TMEM132D: variants seen among roughly 807,000 people sequenced by gnomAD.
TMEM132D encodes the protein transmembrane protein 132D, also known as mature OL transmembrane protein.
TMEM132D carries 21 observed loss-of-function variants against 62.3 expected under a neutral mutation model. The observed-to-expected ratio is 0.34, with a 90% CI of 0.24 to 0.49. The LOEUF is 0.49. Among genes scored for constraint, TMEM132D ranks in the 20% least tolerant of loss-of-function variants. TMEM132D has a pLI of 0.99. For synonymous variants in TMEM132D, 621 were observed against 575.6 expected (o/e 1.08, Z -1.13); for missense variants, 1,346 against 1,402.8 (o/e 0.96, Z 0.65).
chr12:129,162,075 C>T (rs1285516720), intron 5 of TMEM132D, among the ~76,000 whole-genome samples: 1 of 152,070 alleles, frequency 6.6e-6, no homozygotes, highest in Non-Finnish European at 1.5e-5. Flanking sequence ...GAACTGTGTC[C>T]CCCCTCAATT....
chr12:129,321,285 G>T (rs181287268), intron 4 of TMEM132D, among the ~76,000 whole-genome samples: 1 of 152,244 alleles, frequency 6.6e-6, no homozygotes, highest in African/African-American at 2.4e-5. Flanking sequence ...AAAAAGTCAA[G>T]AATTCTATTA....
At chr12:129,767,682 T>C (rs1419583931) in intron 1 of TMEM132D, among the ~76,000 whole-genome samples, 1 of 152,240 alleles carries the variant, frequency 6.6e-6, no homozygotes, top group Non-Finnish European at 1.5e-5. Context: ...TTTTTGTTTT[T>C]AAGGCTAAAT....
chr12:129,610,803 A>G (rs1049011326), intron 2 of TMEM132D, among the ~76,000 whole-genome samples: 1 of 152,202 alleles, frequency 6.6e-6, no homozygotes, highest in Non-Finnish European at 1.5e-5. Context: ...ACTTGTTCCT[A>G]GGACATATTA....
At chr12:129,103,914 A>C (rs2135638204) in intron 5 of TMEM132D, among the ~76,000 whole-genome samples, 1 of 152,348 alleles carries the variant, frequency 6.6e-6, no homozygotes, top group Admixed American at 6.5e-5. Context: ...ATGGAAGAAC[A>C]TTCCATGCTC....
chr12:129,577,647 A>G (rs1235708421), intron 2 of TMEM132D, among the ~76,000 whole-genome samples: 2 of 151,954 alleles, frequency 1.3e-5, no homozygotes, highest in African/African-American at 4.8e-5. Context: ...TGACATACCT[A>G]ACGTTCAGTT....
intron 5 of TMEM132D, among the ~76,000 whole-genome samples, chr12:129,121,386 T>G (rs1300045337): frequency 2.6e-5 from 4 of 152,150 alleles, no homozygotes. Flanking sequence ...CATGAGCCAC[T>G]GCACCTGGCC....
intron 1 of TMEM132D, among the ~76,000 whole-genome samples, chr12:129,851,893 A>G (rs1873555663): frequency 6.6e-6 from 1 of 152,254 alleles, no homozygotes; most frequent in Non-Finnish European, 1.5e-5. Flanking sequence ...GCCCACCATA[A>G]TTGGAATTTT....
chr12:129,776,888 T>TA (rs1870951331), intron 1 of TMEM132D, among the ~76,000 whole-genome samples: 1 of 145,300 alleles, frequency 6.9e-6, no homozygotes, highest in Non-Finnish European at 1.5e-5. Context: ...TTAGCTGTTT[T>TA]TAATCGATAT....
At chr12:129,871,203 A>G (rs560524311) in intron 1 of TMEM132D, among the ~76,000 whole-genome samples, 51 of 152,174 alleles carry the variant, frequency 3.4e-4, no homozygotes, top group Non-Finnish European at 5.9e-4. Context: ...AGGTGCGCCC[A>G]TGCTCCTTTT....
chr12:129,081,520 A>G (rs1874444137), intron 7 of TMEM132D, among the ~76,000 whole-genome samples: 1 of 152,094 alleles, frequency 6.6e-6, no homozygotes, highest in Admixed American at 6.5e-5. Context: ...GGCTAATCGC[A>G]AACTACTGAG....
intron 2 of TMEM132D, among the ~76,000 whole-genome samples, chr12:129,617,485 A>C (rs1340607717): frequency 1.3e-5 from 2 of 152,222 alleles, no homozygotes; most frequent in African/African-American, 2.4e-5. Flanking sequence ...CATAAACAAC[A>C]GAAATGTCTT....
intron 5 of TMEM132D, among the ~76,000 whole-genome samples, chr12:129,087,476 C>A (rs1874657497): frequency 6.7e-6 from 1 of 149,494 alleles, no homozygotes; most frequent in Non-Finnish European, 1.5e-5. Context: ...TTGGGTGGGC[C>A]CTAAGTGGAG....
intron 2 of TMEM132D, among the ~76,000 whole-genome samples, chr12:129,671,848 G>A (rs1182696343): frequency 3.9e-5 from 6 of 152,226 alleles, no homozygotes; most frequent in Admixed American, 6.5e-5. Context: ...AGGCAGCAAA[G>A]GGCAGAGTGG....
rs531251847 is a variant in TMEM132D at position 129,692,337 on chromosome 12, G to A, written c.968+7473C>T. On this transcript the variant is annotated intron_variant, in intron 2 of 8. Transcript: ENST00000422113. ...ATTCACAGGCTAAAGAAGAAAGATC[G>A]TATGATTATGTCAACGGCATAGGAA... Among the ~76,000 whole-genome samples the A allele has an allele frequency of 7.9e-4, 120 of 152,268 alleles. 1 individual carries two copies. Among genetic ancestry groups the A allele is most frequent in the African/African-American group, 2.6e-3 (110 of 41,556 alleles).
At chr12:129,513,142 T>A (rs963119513) in intron 3 of TMEM132D, among the ~76,000 whole-genome samples, 1 of 152,200 alleles carries the variant, frequency 6.6e-6, no homozygotes, top group African/African-American at 2.4e-5. Flanking sequence ...CTCAAGGGCA[T>A]GGCCCTGGCT....
intron 3 of TMEM132D, among the ~76,000 whole-genome samples, chr12:129,392,020 G>C (rs2135694587): frequency 6.6e-6 from 1 of 152,006 alleles, no homozygotes. Context: ...GCCTCCCAAA[G>C]TGTTGGGATT....
intron 3 of TMEM132D, among the ~76,000 whole-genome samples, chr12:129,377,533 T>A (rs1220308425): frequency 1.3e-5 from 2 of 152,156 alleles, no homozygotes; most frequent in East Asian, 3.9e-4. Context: ...CAGAATAAAA[T>A]TAACTGTTCT....
At chr12:129,837,833 C>T (rs372432171) in intron 1 of TMEM132D, among the ~76,000 whole-genome samples, 3 of 152,186 alleles carry the variant, frequency 2.0e-5, no homozygotes, top group African/African-American at 4.8e-5. Context: ...GAAATGGTTT[C>T]GTGCCACCTG....
rs142902588 is a variant in TMEM132D, at chr12:129,660,049, C to G, written c.968+39761G>C. Among the ~76,000 whole-genome samples the G allele has an allele frequency of 3.9e-5, 6 of 152,228 alleles. No individual in the cohort carries two copies. The East Asian group carries it at 1.2e-3, about 29-fold the overall frequency. ...ATGGTTTTGAGTCACCATCTCTATT[C>G]CCTGGAAAGGGGAAGAGTTATGCCT... is the stretch of plus-strand genomic sequence containing the variant. On this transcript the variant is annotated intron_variant, in intron 2 of 8. Coordinates refer to ENST00000422113, the MANE Select transcript of TMEM132D (RefSeq NM_133448.3).
Sources: gnomAD v4.1 joint callset for allele counts (sites outside exome capture counted in the v4.1 genomes callset) on GRCh38, gnomAD v4.1.1 for gene constraint, MANE v1.5 for transcripts, NCBI Gene and HGNC (gene_info 2026-07-23, HGNC 2026-07-21) for gene names.